USP3: variants seen among roughly 807,000 people sequenced by gnomAD.
The protein encoded by USP3 is ubiquitin specific peptidase 3, also known as ubiquitin carboxyl-terminal hydrolase 3.
Under a neutral mutation model 72.3 loss-of-function variants are expected in USP3, and 20 were observed. That is an observed-to-expected ratio of 0.28 (90% CI 0.19 to 0.40). The LOEUF (loss-of-function observed/expected upper bound fraction) is 0.40, where lower values mean the gene tolerates loss of function less well. Among genes scored for constraint, USP3 ranks in the 10% least tolerant of loss-of-function variants. The probability of loss-of-function intolerance (pLI) is 1.00; values close to 1 mark genes in which losing one functional copy is unlikely to be tolerated. For missense variants in USP3, 479 were observed against 633.9 expected, an observed-to-expected ratio of 0.76 and a Z score of 2.62; for synonymous variants, 222 against 225.3, an observed-to-expected ratio of 0.99 and a Z score of 0.13.
At chr15:63,546,855 A>G (rs975647795) in intron 3 of USP3, among the ~76,000 whole-genome samples, 9 of 152,100 alleles carry the variant, frequency 5.9e-5, no homozygotes, top group Non-Finnish European at 1.2e-4. Flanking sequence ...TGATCTGCCC[A>G]CCTTGGACTC....
chr15:63,581,757 G>A (rs1442176212), intron 11 of USP3, among the ~76,000 whole-genome samples: 3 of 151,274 alleles, frequency 2.0e-5, no homozygotes. Flanking sequence ...TGCAGTGGTG[G>A]GATCATGGCT....
intron 3 of USP3, among the ~76,000 whole-genome samples, chr15:63,539,427 G>C (rs1209789106): frequency 1.3e-5 from 2 of 152,214 alleles, no homozygotes; most frequent in East Asian, 3.9e-4. Flanking sequence ...AGATTCTGAG[G>C]AAACTAACTG....
intron 2 of USP3, among the ~76,000 whole-genome samples, chr15:63,534,069 A>G (rs1456284869): frequency 1.3e-5 from 2 of 152,192 alleles, no homozygotes; most frequent in East Asian, 3.8e-4. Context: ...ACAAACTAAA[A>G]TAGGTTTTGG....
chr15:63,547,764 G>T (rs1255594480), intron 3 of USP3, among the ~76,000 whole-genome samples: 5 of 8,788 alleles, frequency 5.7e-4, no homozygotes, highest in African/African-American at 4.2e-3. Context: ...GAGGGAGGGA[G>T]AGAGAGAGAG....
intron 7 of USP3, among the ~76,000 whole-genome samples, chr15:63,561,055 G>C (rs1426492009): frequency 6.6e-6 from 1 of 151,880 alleles, no homozygotes; most frequent in African/African-American, 2.4e-5. Flanking sequence ...GAGCAGGGCT[G>C]GAATGACGTC....
At chr15:63,521,648 GTTCC>G (rs1302982573) in intron 1 of USP3, among the ~76,000 whole-genome samples, 3 of 152,138 alleles carry the variant, frequency 2.0e-5, no homozygotes, top group Middle Eastern at 3.2e-3. Flanking sequence ...GCAGTTAACT[GTTCC>G]TTGTACACAC....
intron 6 of USP3, 67 bp from the exon 7 acceptor site, chr15:63,559,790 T>C: frequency 7.3e-7 from 1 of 1,371,992 alleles, no homozygotes; most frequent in Non-Finnish European, 1.0e-6. Flanking sequence ...ATATGTAGGC[T>C]TCATCAACTT....
intron 1 of USP3, among the ~76,000 whole-genome samples, chr15:63,517,890 T>C (rs934197013): frequency 6.6e-6 from 1 of 152,230 alleles, no homozygotes; most frequent in African/African-American, 2.4e-5. Context: ...AACTTCTTTC[T>C]CACTTACAAA....
chr15:63,571,929 G>C (rs1386340443), intron 9 of USP3, among the ~76,000 whole-genome samples: 1 of 152,170 alleles, frequency 6.6e-6, no homozygotes, highest in Non-Finnish European at 1.5e-5. Context: ...GCTACAACTA[G>C]AAAAAGGTAT....
At position 63,574,840 on chromosome 15, in the gene USP3, C is replaced by G. The variant is rs2066836719; in HGVS notation, c.1096+437C>G. 6.6e-6 allele frequency among the ~76,000 whole-genome samples: 1 copy of G among 152,154 alleles called. No individual in the cohort carries two copies. The highest frequency in any genetic ancestry group is 1.5e-5 in the Non-Finnish European group (1 of 68,018). ...ACTGCTGCTTAAGCCTGAGGCCCTG[C>G]TTTTAAGACTGTTAAAATTCACATG... On this transcript the variant is annotated intron_variant, in intron 11 of 14. Coordinates refer to ENST00000380324, the MANE Select transcript of USP3 (RefSeq NM_006537.4). This position sits in a 1 kb window ranked among gnomAD's most constrained non-coding sequence, Gnocchi z 4.6.
intron 8 of USP3, among the ~76,000 whole-genome samples, chr15:63,563,342 A>G (rs1457076601): frequency 6.6e-6 from 1 of 152,234 alleles, no homozygotes; most frequent in Admixed American, 6.5e-5. Context: ...TTACCATCAC[A>G]CACTGTCTTG....
chr15:63,576,186 C>G (rs561925878), intron 11 of USP3, among the ~76,000 whole-genome samples: 3 of 152,098 alleles, frequency 2.0e-5, no homozygotes, highest in Non-Finnish European at 4.4e-5. Flanking sequence ...GAGGTTTTGC[C>G]ATGTTGGCTA....
At chr15:63,561,546 C>T (rs879733224) in intron 7 of USP3, among the ~76,000 whole-genome samples, 2 of 152,170 alleles carry the variant, frequency 1.3e-5, no homozygotes, top group Non-Finnish European at 2.9e-5. Flanking sequence ...CCCTGCACTC[C>T]GGATGGTGCT....
intron 11 of USP3, among the ~76,000 whole-genome samples, chr15:63,578,780 G>A (rs1345594930): frequency 6.6e-6 from 1 of 152,126 alleles, no homozygotes; most frequent in East Asian, 1.9e-4. Flanking sequence ...ATGTCTTCTG[G>A]AGGAACAAGG....
At position 63,537,104 on chromosome 15, in the gene USP3, G is replaced by T. The variant is rs781546757; in HGVS notation, c.232G>T (p.Asp78Tyr). The change falls in exon 3 of 15, where the codon GAT becomes TAT. Residue 78 changes from aspartate (D) to tyrosine (Y), a missense_variant. Transcript: ENST00000380324. The stretch of plus-strand genomic sequence containing the variant: ...CAACCATAAGAAATCAGAAAAGCAA[G>T]ATAAAGTTCAGCACACAGTATGTAT... ...LTNHKKSEKQ[D>Y]KVQHTVCMDC... The T allele has an allele frequency of 2.0e-5, 32 of 1,614,106 alleles. No individual in the cohort carries two copies. The highest frequency in any genetic ancestry group is 2.6e-5 in the Non-Finnish European group (31 of 1,179,992).
chr15:63,558,111 C>T lies in USP3; in HGVS notation c.456C>T (p.Ser152=). The T allele has an allele frequency of 6.2e-7, 1 of 1,614,166 alleles. No homozygotes were observed. Among genetic ancestry groups the T allele is most frequent in the Non-Finnish European group, 8.5e-7 (1 of 1,180,012 alleles). ...LNSKLLKVNG[S]TTAICATGLR... is the part of the protein sequence containing the mutation. ...TCTTCTTGCACCACTTACAGGGAAG[C>T]ACCACTGCCATTTGTGCCACAGGCC... is the stretch of plus-strand genomic sequence containing the variant. Residue 152 remains serine (S), a synonymous_variant, in exon 6 of 15, where the codon AGC becomes AGT. Transcript: ENST00000380324.
At chr15:63,584,946 C>CAACTT (rs1283687246) in intron 11 of USP3, among the ~76,000 whole-genome samples, 1 of 151,998 alleles carries the variant, frequency 6.6e-6, no homozygotes, top group Non-Finnish European at 1.5e-5. Context: ...TGTAAGAGTC[C>CAACTT]AACTTAATTC....
intron 1 of USP3, chr15:63,530,440 G>A (rs1015218624): frequency 2.4e-5 from 7 of 289,132 alleles, no homozygotes; most frequent in South Asian, 7.9e-5. Context: ...ATCCTCCCAC[G>A]TGGCTGAGAC....
At chr15:63,517,089 G>A (rs753874047) in intron 1 of USP3, among the ~76,000 whole-genome samples, 1 of 151,332 alleles carries the variant, frequency 6.6e-6, no homozygotes, top group Non-Finnish European at 1.5e-5. Context: ...TGTGCACAAT[G>A]TGCAGGTAAG....
Sources: allele counts gnomAD v4.1 joint callset (sites outside exome capture counted in the v4.1 genomes callset), GRCh38; gene constraint gnomAD v4.1.1; non-coding constraint Gnocchi (gnomAD v3.1); transcripts MANE v1.5; gene names NCBI Gene and HGNC (gene_info 2026-07-23, HGNC 2026-07-21).